Variants in ORC4 observed in about 807,000 individuals in gnomAD.
The protein encoded by ORC4 is origin recognition complex subunit 4.
In ORC4, 55 loss-of-function variants were observed where a neutral mutation model predicts 63.9. The ratio of observed to expected loss-of-function variants is 0.86; its 90% CI spans 0.69 to 1.08. ORC4 has a LOEUF of 1.08. Among genes scored for constraint, ORC4 ranks in the 50% least tolerant of loss-of-function variants. The pLI, the probability that ORC4 is intolerant of heterozygous loss-of-function variation, is 0.00. For synonymous variants in ORC4, 150 were observed against 168.5 expected (o/e 0.89, Z 0.85); for missense variants, 511 against 504.4 (o/e 1.01, Z -0.13).
chr2:147,999,358 G>GC (rs1692166697), intron 1 of ORC4, among the ~76,000 whole-genome samples: 1 of 152,114 alleles, frequency 6.6e-6, no homozygotes, highest in Non-Finnish European at 1.5e-5. Context: ...GAACGTTGAG[G>GC]CCCCCTAGCT....
chr2:147,938,518 C>T (rs1044058266), intron 11 of ORC4, 125 bp from the exon 12 acceptor site: 2 of 669,184 alleles, frequency 3.0e-6, no homozygotes, highest in Admixed American at 5.2e-5. Context: ...CAAGATTCTT[C>T]TAGATTTCAA....
chr2:147,939,796 T>C (rs1378190699), intron 10 of ORC4, among the ~76,000 whole-genome samples: 1 of 152,156 alleles, frequency 6.6e-6, no homozygotes, highest in Admixed American at 6.6e-5. Context: ...TGTTCAAAAA[T>C]GAACAGAGGT....
At chr2:147,952,325 A>C (rs1316518017) in intron 8 of ORC4, 48 bp downstream of exon 8, 8 of 1,391,568 alleles carry the variant, frequency 5.7e-6, no homozygotes, top group Admixed American at 3.8e-5. Flanking sequence ...ATTAAGCTTG[A>C]ATTTTAAAAT....
At chr2:147,982,947 T>A (rs1367391375) in intron 1 of ORC4, among the ~76,000 whole-genome samples, 1 of 152,178 alleles carries the variant, frequency 6.6e-6, no homozygotes, top group Non-Finnish European at 1.5e-5. Flanking sequence ...TCACCAAAGA[T>A]ATGCAGGTGG....
Position 147,935,426 on chromosome 2 carries a change from T to C in ORC4, c.*84A>G, listed in dbSNP as rs1687994213. On this transcript the variant is annotated 3_prime_UTR_variant, in exon 14 of 14. Transcript: ENST00000392857. ...AATACAAGAATGTTTATAGAATGTT[T>C]AGCATATCATGTTAATGGACAATAG... The C allele has an allele frequency of 3.0e-6, 3 of 988,286 alleles. No individual in the cohort carries two copies. The highest frequency in any genetic ancestry group is 4.8e-6 in the Non-Finnish European group (3 of 618,792). The allele number at this position is 988,286 out of a possible 1,614,324, so 61.2% of individuals were successfully genotyped here. A position where few individuals can be genotyped will look rare whatever the true frequency, so the allele number is the denominator to read the frequency against.
At position 147,948,129 on chromosome 2, in the gene ORC4, T is replaced by C. The variant is rs1688755972; in HGVS notation, c.684A>G (p.Lys228=). Residue 228 remains lysine, a synonymous_variant, in exon 9 of 14, where the codon AAA becomes AAG. Coordinates refer to ENST00000392857, the MANE Select transcript of ORC4 (RefSeq NM_181741.4). ...GTAGAGATAACTGTTCTTTAAATAT[T>C]TTAACATACTGTGGAAAACCAAATG... The part of the protein sequence containing the change: ...MNSFGFPQYV[K]IFKEQLSLPA... The C allele has an allele frequency of 1.9e-6, 3 of 1,610,998 alleles. No homozygotes were observed. In the South Asian group the frequency reaches 3.3e-5, roughly 18 times the overall value.
intron 1 of ORC4, among the ~76,000 whole-genome samples, chr2:148,019,777 G>A (rs1242466129): frequency 6.6e-6 from 1 of 152,122 alleles, no homozygotes; most frequent in Non-Finnish European, 1.5e-5. Context: ...AAAAGAACCA[G>A]CACTGTTTCA....
At chr2:147,982,833 C>T (rs1690969464) in intron 1 of ORC4, among the ~76,000 whole-genome samples, 1 of 152,090 alleles carries the variant, frequency 6.6e-6, no homozygotes, top group Non-Finnish European at 1.5e-5. Flanking sequence ...AAAATACCTG[C>T]AAACCACATA....
intron 1 of ORC4, among the ~76,000 whole-genome samples, chr2:147,977,552 GC>G (rs1196164710): frequency 3.9e-5 from 6 of 152,154 alleles, no homozygotes; most frequent in Admixed American, 3.9e-4. Context: ...CCCCAGTGGG[GC>G]CCAAGACCTG....
At position 147,932,852 on chromosome 2, in the gene ORC4, G is replaced by A. The variant is rs1158198725; in HGVS notation, c.*2658C>T. The A allele has an allele frequency of 7.2e-5, 11 of 152,086 alleles. No homozygotes were observed. Among genetic ancestry groups the A allele is most frequent in the Non-Finnish European group, 1.5e-4 (10 of 68,008 alleles). 9.4% of individuals were successfully genotyped at this position (152,086 alleles called of 1,614,324 possible). On this transcript the variant is annotated 3_prime_UTR_variant, in exon 14 of 14. Coordinates refer to ENST00000392857, the MANE Select transcript of ORC4 (RefSeq NM_181741.4). ...GATGAGGATCAGAGTGCGAACCATGGTGAAATATGCATGGAAACTACAGAA... is the reference window on the plus strand; with the variant it reads ...GATGAGGATCAGAGTGCGAACCATGATGAAATATGCATGGAAACTACAGAA...
chr2:148,015,393 C>A (rs1327904742), intron 1 of ORC4, among the ~76,000 whole-genome samples: 1 of 145,766 alleles, frequency 6.9e-6, no homozygotes, highest in Non-Finnish European at 1.5e-5. Flanking sequence ...CGGCTCACTG[C>A]AAGCTCTGCC....
rs1345160428 is a variant in ORC4 at position 147,930,588 on chromosome 2, CCT to C, written c.*4920_*4921del. 2 of 152,334 alleles carry C rather than the reference CCT, an allele frequency of 1.3e-5. No homozygotes were observed. The highest frequency in any genetic ancestry group is 4.8e-5 in the African/African-American group (2 of 41,368). 9.4% of individuals were successfully genotyped at this position (152,334 alleles called of 1,614,324 possible). A position where few individuals can be genotyped will look rare whatever the true frequency, so the allele number is the denominator to read the frequency against. ...GTCTCAACCCATATCCCATTTGTTA[CCT>C]CTCAGAATATTGGTAAGCAGTTATT... On this transcript the variant is annotated 3_prime_UTR_variant, in exon 14 of 14. Coordinates refer to ENST00000392857, the MANE Select transcript of ORC4 (RefSeq NM_181741.4).
chr2:147,992,597 T>C (rs1260131785), intron 1 of ORC4, among the ~76,000 whole-genome samples: 5 of 152,204 alleles, frequency 3.3e-5, no homozygotes, highest in Admixed American at 6.5e-5. Flanking sequence ...TCAGGGTATA[T>C]GTTCATTTGA....
chr2:148,021,067 C>A (rs1279796307), upstream of ORC4: 1 of 154,174 alleles, frequency 6.5e-6, no homozygotes, highest in Non-Finnish European at 1.4e-5. Context: ...CCCGTCTCTT[C>A]TACCCGAACC....
intron 1 of ORC4, among the ~76,000 whole-genome samples, chr2:147,983,529 A>G (rs1014888156): frequency 6.6e-6 from 1 of 152,188 alleles, no homozygotes; most frequent in Non-Finnish European, 1.5e-5. Context: ...CAGCCTGTAG[A>G]TCAGGGGGTC....
At chr2:148,019,824 T>TTA (rs376845916) in intron 1 of ORC4, among the ~76,000 whole-genome samples, 95 of 152,328 alleles carry the variant, frequency 6.2e-4, no homozygotes, top group African/African-American at 2.2e-3. Context: ...TATAAATCCT[T>TTA]TCTTAAATAT....
chr2:147,996,097 G>A (rs1445663913), intron 1 of ORC4, among the ~76,000 whole-genome samples: 1 of 152,010 alleles, frequency 6.6e-6, no homozygotes, highest in Non-Finnish European at 1.5e-5. Context: ...GAGGTCAAGA[G>A]ATCCGAGACC....
intron 1 of ORC4, among the ~76,000 whole-genome samples, chr2:147,987,349 C>CAT (rs1256635684): frequency 8.4e-6 from 1 of 118,986 alleles, no homozygotes; most frequent in Non-Finnish European, 1.7e-5. Flanking sequence ...AAGAACTTTC[C>CAT]ATATATAGAT....
At position 147,933,712 on chromosome 2, in the gene ORC4, ATCAC is replaced by A. The variant is rs1687896497; in HGVS notation, c.*1794_*1797del. 6.6e-6 allele frequency: 1 copy of A among 152,152 alleles called. No homozygotes were observed. Among genetic ancestry groups the A allele is most frequent in the African/African-American group, 2.4e-5 (1 of 41,444 alleles). The allele number at this position is 152,152 out of a possible 1,614,324, so 9.4% of individuals were successfully genotyped here. A position where few individuals can be genotyped will look rare whatever the true frequency, so the allele number is the denominator to read the frequency against. ...AATAGTTCAGAAAATTTTTAAAAGG[ATCAC>A]TTAGAGCATAAGTGTAAAATTCTTG... On this transcript the variant is annotated 3_prime_UTR_variant, in exon 14 of 14. Coordinates refer to ENST00000392857, the MANE Select transcript of ORC4 (RefSeq NM_181741.4).
Sources: allele counts gnomAD v4.1 joint callset (sites outside exome capture counted in the v4.1 genomes callset), GRCh38; gene constraint gnomAD v4.1.1; transcripts MANE v1.5; gene names NCBI Gene and HGNC (gene_info 2026-07-23, HGNC 2026-07-21).